The following NCKAP5 variants were observed in gnomAD, a reference collection of about 807,000 sequenced individuals.
NCKAP5 encodes the protein NCK associated protein 5.
A neutral mutation model predicts 167.0 loss-of-function variants in NCKAP5; 92 were observed. That is an observed-to-expected ratio of 0.55 (90% CI 0.47 to 0.66). The LOEUF (loss-of-function observed/expected upper bound fraction) is 0.66. NCKAP5 is among the 30% of genes least tolerant of loss of function. The pLI is 0.00. For synonymous variants in NCKAP5, 891 were observed against 877.4 expected (o/e 1.02, Z -0.27); for missense variants, 2,378 against 2,315.0 (o/e 1.03, Z -0.56).
chr2:133,379,293 A>T (rs545019033), intron 3 of NCKAP5, among the ~76,000 whole-genome samples: 17 of 152,158 alleles, frequency 1.1e-4, no homozygotes, highest in Non-Finnish European at 2.4e-4. Flanking sequence ...ATTCAAAATA[A>T]TAATAACCTC....
chr2:133,006,166 G>A (rs2077959191), intron 6 of NCKAP5, among the ~76,000 whole-genome samples: 2 of 152,138 alleles, frequency 1.3e-5, no homozygotes, highest in African/African-American at 4.8e-5. Flanking sequence ...GGCTGAGGTG[G>A]GAGGATTGCT....
chr2:133,364,675 C>T (rs764869342), intron 3 of NCKAP5, among the ~76,000 whole-genome samples: 1 of 152,024 alleles, frequency 6.6e-6, no homozygotes, highest in East Asian at 1.9e-4. Flanking sequence ...TGAGGCTGTG[C>T]AGTTTTGGCA....
At position 133,325,887 on chromosome 2, in the gene NCKAP5, C is replaced by T. The variant is rs139727343; in HGVS notation, c.70-22777G>A. Among the ~76,000 whole-genome samples, 159 of 152,236 alleles carry T rather than the reference C, an allele frequency of 1.0e-3. 1 individual carries two copies. The highest frequency in any genetic ancestry group is 3.6e-3 in the African/African-American group (148 of 41,514). On this transcript the variant is annotated intron_variant, in intron 3 of 19. Coordinates refer to ENST00000409261, the MANE Select transcript of NCKAP5 (RefSeq NM_207363.3). ...ATCATACATTGTGTTTGGATATGACCCCCCTCTTAAAAATGCTTGCAATGT... is the reference window on the plus strand; with the variant it reads ...ATCATACATTGTGTTTGGATATGACTCCCCTCTTAAAAATGCTTGCAATGT...
intron 18 of NCKAP5, 41 bp downstream of exon 18, chr2:132,728,749 TAGGGTACACTTTTTAGAATCAGGACC>T (rs1192971808): frequency 6.4e-6 from 10 of 1,564,500 alleles, no homozygotes; most frequent in Non-Finnish European, 7.8e-6. Flanking sequence ...AAAGTGTTTT[TAGGGTACACTTTTTAGAATCAGGACC>T]AACAGGTGGA....
intron 8 of NCKAP5, among the ~76,000 whole-genome samples, chr2:132,923,409 TGCCA>T (rs1695594720): frequency 6.6e-6 from 1 of 152,188 alleles, no homozygotes; most frequent in Admixed American, 6.5e-5. Flanking sequence ...GGCACCAGAT[TGCCA>T]AACAGCCTGC....
At chr2:133,376,801 T>C (rs747539662) in intron 3 of NCKAP5, among the ~76,000 whole-genome samples, 6 of 152,172 alleles carry the variant, frequency 3.9e-5, no homozygotes, top group Non-Finnish European at 7.3e-5. Context: ...AACACAATTG[T>C]TAGGAGCTGA....
intron 4 of NCKAP5, among the ~76,000 whole-genome samples, chr2:133,250,309 T>A (rs2088245889): frequency 6.6e-6 from 1 of 152,094 alleles, no homozygotes. Flanking sequence ...GCAGAGCGGA[T>A]GATCTGCTTC....
At chr2:132,939,722 G>A (rs955154849) in intron 8 of NCKAP5, among the ~76,000 whole-genome samples, 1 of 152,108 alleles carries the variant, frequency 6.6e-6, no homozygotes, top group Non-Finnish European at 1.5e-5. Context: ...GTTTTTGGCT[G>A]AGCATGGTGG....
intron 3 of NCKAP5, among the ~76,000 whole-genome samples, chr2:133,326,719 A>G (rs1268898696): frequency 6.6e-6 from 1 of 152,124 alleles, no homozygotes; most frequent in Non-Finnish European, 1.5e-5. Context: ...ATGACCTGTT[A>G]CAGCTTTGAC....
intron 3 of NCKAP5, among the ~76,000 whole-genome samples, chr2:133,513,965 GC>G (rs1439042254): frequency 6.6e-6 from 1 of 152,182 alleles, no homozygotes; most frequent in Non-Finnish European, 1.5e-5. Flanking sequence ...TACATGGGCA[GC>G]CCGGGAATGA....
intron 7 of NCKAP5, among the ~76,000 whole-genome samples, chr2:132,984,614 G>T (rs529419017): frequency 1.3e-5 from 2 of 152,070 alleles, no homozygotes; most frequent in South Asian, 2.1e-4. Flanking sequence ...TAGCTAAAAG[G>T]TTACCATATA....
intron 5 of NCKAP5, among the ~76,000 whole-genome samples, chr2:133,193,207 G>A (rs1559249373): frequency 6.6e-6 from 1 of 152,036 alleles, no homozygotes; most frequent in East Asian, 1.9e-4. Context: ...GAATATGATA[G>A]AAATGTGGGA....
At chr2:133,461,535 C>T (rs974585329) in intron 3 of NCKAP5, among the ~76,000 whole-genome samples, 7 of 152,284 alleles carry the variant, frequency 4.6e-5, no homozygotes, top group Admixed American at 1.3e-4. Context: ...CTCCTTTCTG[C>T]GCCCACTCAG....
intron 7 of NCKAP5, among the ~76,000 whole-genome samples, chr2:132,991,016 A>G (rs1225892870): frequency 6.6e-6 from 1 of 152,212 alleles, no homozygotes; most frequent in African/African-American, 2.4e-5. Context: ...AGCATAGATA[A>G]TAAGCAGACC....
At chr2:133,429,114 G>A (rs1228310448) in intron 3 of NCKAP5, among the ~76,000 whole-genome samples, 3 of 152,168 alleles carry the variant, frequency 2.0e-5, no homozygotes. Context: ...ATAACCACCA[G>A]TGGGTGGACA....
chr2:133,267,096 G>C (rs1402676307), intron 4 of NCKAP5, among the ~76,000 whole-genome samples: 1 of 152,138 alleles, frequency 6.6e-6, no homozygotes, highest in Non-Finnish European at 1.5e-5. Context: ...GCTGGAGAGT[G>C]AGGGGCGGGG....
At chr2:133,304,634 C>G (rs1680643761) in intron 3 of NCKAP5, among the ~76,000 whole-genome samples, 1 of 152,116 alleles carries the variant, frequency 6.6e-6, no homozygotes, top group Non-Finnish European at 1.5e-5. Context: ...ATATGTTCAG[C>G]CAAGAAAAAC....
intron 6 of NCKAP5, among the ~76,000 whole-genome samples, chr2:132,996,787 A>G (rs12475645): frequency 0.25 from 37,390 of 152,170 alleles, 4,692 homozygotes; most frequent in South Asian, 0.43. Flanking sequence ...AGTGTGAAGT[A>G]GTTACTCTAT....
intron 2 of NCKAP5, among the ~76,000 whole-genome samples, chr2:133,545,623 T>C (rs535660234): frequency 1.4e-3 from 207 of 152,244 alleles, no homozygotes; most frequent in African/African-American, 4.7e-3. Flanking sequence ...CACTACTAGA[T>C]CTAACAATCT....
Sources: gnomAD v4.1 joint callset for allele counts (sites outside exome capture counted in the v4.1 genomes callset) on GRCh38, gnomAD v4.1.1 for gene constraint, MANE v1.5 for transcripts, NCBI Gene and HGNC (gene_info 2026-07-23, HGNC 2026-07-21) for gene names.